The following DOCK9 variants were observed in gnomAD, a reference collection of about 807,000 sequenced individuals.
DOCK9 encodes dedicator of cytokinesis protein 9.
DOCK9 carries 89 observed loss-of-function variants against 263.3 expected under a neutral mutation model. That is an observed-to-expected ratio of 0.34 (90% CI 0.28 to 0.40). The LOEUF is 0.40. DOCK9 is among the 10% of genes least tolerant of loss of function. DOCK9 has a pLI of 1.00. For synonymous variants in DOCK9, 976 were observed against 973.1 expected, an observed-to-expected ratio of 1.00 and a Z score of -0.06; for missense variants, 2,140 against 2,603.4, an observed-to-expected ratio of 0.82 and a Z score of 3.87.
intron 1 of DOCK9, among the ~76,000 whole-genome samples, chr13:99,040,138 T>C (rs914715857): frequency 1.3e-5 from 2 of 151,798 alleles, no homozygotes; most frequent in African/African-American, 4.8e-5. Flanking sequence ...GGCAAGAGAG[T>C]GTTTGCTTCA....
intron 47 of DOCK9, chr13:98,808,578 TAGG>T: frequency 3.6e-6 from 4 of 1,126,116 alleles, no homozygotes; most frequent in Non-Finnish European, 5.3e-6. Context: ...CACATCAAAC[TAGG>T]AGTTTAGACG....
chr13:99,063,431 AC>A (rs1364930107), intron 1 of DOCK9, among the ~76,000 whole-genome samples: 1 of 152,138 alleles, frequency 6.6e-6, no homozygotes, highest in Non-Finnish European at 1.5e-5. Context: ...AGGTGTCCAA[AC>A]ACCTTCCTCC....
chr13:99,020,365 T>C (rs1285627717), intron 1 of DOCK9, among the ~76,000 whole-genome samples: 1 of 152,050 alleles, frequency 6.6e-6, no homozygotes, highest in Non-Finnish European at 1.5e-5. Flanking sequence ...ACATGGGAGG[T>C]GGCTGGGGCT....
chr13:99,039,139 T>C (rs1476732874), intron 1 of DOCK9, among the ~76,000 whole-genome samples: 8 of 152,240 alleles, frequency 5.3e-5, no homozygotes, highest in African/African-American at 1.7e-4. Context: ...TAAGGCACTA[T>C]TCTAAAAACA....
intron 37 of DOCK9, among the ~76,000 whole-genome samples, chr13:98,848,316 G>T (rs2093452168): frequency 6.6e-6 from 1 of 152,190 alleles, no homozygotes; most frequent in African/African-American, 2.4e-5. Flanking sequence ...CAGAGAAGGA[G>T]GGGGAGTTTG....
chr13:98,839,296 G>A (rs2141173303), intron 38 of DOCK9, among the ~76,000 whole-genome samples: 1 of 152,306 alleles, frequency 6.6e-6, no homozygotes, highest in Non-Finnish European at 1.5e-5. Context: ...AAATAAAGGT[G>A]GATATGTTGG....
At chr13:99,087,993 A>G (rs1280784567), upstream of DOCK9, 1 of 152,254 alleles carries the variant, frequency 6.6e-6, no homozygotes, top group African/African-American at 2.4e-5. Flanking sequence ...CAGAAAGCCT[A>G]ACACTGGCCT....
intron 1 of DOCK9, among the ~76,000 whole-genome samples, chr13:99,052,973 T>C (rs1460811525): frequency 6.6e-6 from 1 of 152,192 alleles, no homozygotes; most frequent in Admixed American, 6.5e-5. Flanking sequence ...GAATTTCTAA[T>C]GGTAGGTTTT....
chr13:98,809,421 T>C lies in DOCK9; in HGVS notation c.5298A>G (p.Lys1766=), dbSNP rs780960458. ...GGCCCGAGTGCATGACCTCGGTCAC[T>C]TTGCTGTAGGCCCGGTGCAGCGTGT... ...LYDTLHRAYS[K]VTEVMHSGRR... Residue 1766 remains lysine (K), a synonymous_variant, in exon 47 of 53, where the codon AAA becomes AAG. Transcript: ENST00000682017. The C allele has an allele frequency of 4.3e-6, 7 of 1,613,332 alleles. No homozygotes were observed. The Admixed American group carries it at 8.3e-5, about 19-fold the overall frequency.
At position 98,903,061 on chromosome 13, in the gene DOCK9, A is replaced by G; in HGVS notation, c.1087T>C (p.Phe363Leu). ...CACTTGACAAGGATCCTTTTTCCAA[A>G]CTTCTCTTCAAATGACTTCACTTCT... ...EPEVKSFEEK[F>L]GKRILVKCND... Residue 363 changes from phenylalanine to leucine, a missense_variant, in exon 11 of 53, where the codon TTT (phenylalanine) becomes CTT (leucine). By Grantham distance (22) the Phe-to-Leu change is conservative (BLOSUM62 0). This residue lies in a region of DOCK9 where 1,521 missense variants were observed against 1,741.7 expected (regional missense o/e 0.87). Transcript: ENST00000682017. 1 of 1,535,404 alleles carries G rather than the reference A, an allele frequency of 6.5e-7. No homozygotes were observed. Among genetic ancestry groups the G allele is most frequent in the East Asian group, 2.5e-5 (1 of 39,822 alleles).
chr13:98,902,688 T>A (rs750541760), intron 11 of DOCK9, among the ~76,000 whole-genome samples, 197 bp from the exon 12 acceptor site: 2 of 152,268 alleles, frequency 1.3e-5, no homozygotes, highest in African/African-American at 2.4e-5. Context: ...TTTACCTTTA[T>A]GTGTTTTGCT....
chr13:98,869,287 C>T (rs1433353277), intron 27 of DOCK9, among the ~76,000 whole-genome samples: 1 of 152,234 alleles, frequency 6.6e-6, no homozygotes, highest in Admixed American at 6.5e-5. Flanking sequence ...AGACACTGCA[C>T]TACATATTTG....
intron 38 of DOCK9, among the ~76,000 whole-genome samples, chr13:98,842,907 C>A (rs571085997): frequency 1.4e-4 from 22 of 152,302 alleles, no homozygotes; most frequent in Non-Finnish European, 3.1e-4. Flanking sequence ...GGGATTTGGG[C>A]ATGGGGATTT....
chr13:98,921,049 C>T lies in DOCK9; in HGVS notation c.622G>A (p.Asp208Asn). The change falls in exon 7 of 53, where the codon GAT becomes AAT. Residue 208 changes from aspartate to asparagine, a missense_variant. Asp to Asn is a conservative substitution (Grantham distance 23). Around this residue, in one of 2 missense-constraint regions of DOCK9, gnomAD observed 1,521 missense variants for 1,741.7 expected, o/e 0.87. Coordinates refer to ENST00000682017, the MANE Select transcript of DOCK9 (RefSeq NM_001366683.2). ...TAAAAATTCAAATTATAGGATCCAT[C>T]GCCAAGTTGAATCAGGTGGAAAAAT... ...RRFFHLIQLG[D>N]GSYNLNFYKD... The T allele has an allele frequency of 6.2e-7, 1 of 1,601,966 alleles. No homozygotes were observed. Among genetic ancestry groups the T allele is most frequent in the Non-Finnish European group, 8.5e-7 (1 of 1,173,600 alleles).
At chr13:99,013,906 A>G (rs1884961532) in intron 1 of DOCK9, among the ~76,000 whole-genome samples, 1 of 152,200 alleles carries the variant, frequency 6.6e-6, no homozygotes, top group African/African-American at 2.4e-5. Flanking sequence ...CAACGACACC[A>G]ACAGAGAGAC....
chr13:99,014,933 T>A (rs60530151), intron 1 of DOCK9, among the ~76,000 whole-genome samples: 4,180 of 152,280 alleles, frequency 0.027, 176 homozygotes, highest in African/African-American at 0.095. Flanking sequence ...GCTGGATTTT[T>A]TAAAAAAATA....
At chr13:98,981,523 T>C (rs1178871406), upstream of DOCK9, among the ~76,000 whole-genome samples, 1 of 152,188 alleles carries the variant, frequency 6.6e-6, no homozygotes, top group Non-Finnish European at 1.5e-5. Flanking sequence ...AAATCCAAGA[T>C]TGAGAACAGC....
chr13:98,946,169 T>A (rs542585875), intron 2 of DOCK9, among the ~76,000 whole-genome samples: 1 of 152,190 alleles, frequency 6.6e-6, no homozygotes, highest in East Asian at 1.9e-4. Context: ...CTGTAAGGCC[T>A]TTGCTGGGGG....
Position 98,853,328 on chromosome 13 carries a change from A to G in DOCK9, c.3946+80T>C, listed in dbSNP as rs549101818. The stretch of plus-strand genomic sequence containing the variant: ...GAAAATCCTTTGAAATCTTTGTATC[A>G]TTTCAACTTATTACAAGTTAAAACC... On this transcript the variant is annotated intron_variant, in intron 35 of 52. Coordinates refer to ENST00000682017, the MANE Select transcript of DOCK9 (RefSeq NM_001366683.2). 26 of 850,394 alleles carry G rather than the reference A, an allele frequency of 3.1e-5. No homozygotes were observed. The East Asian group carries it at 6.5e-4, about 21-fold the overall frequency. The allele number at this position is 850,394 out of a possible 1,614,324, so 52.7% of individuals were successfully genotyped here.
Sources: allele counts gnomAD v4.1 joint callset (sites outside exome capture counted in the v4.1 genomes callset), GRCh38; gene constraint gnomAD v4.1.1; regional missense constraint gnomAD v4.1.1; transcripts MANE v1.5; gene names NCBI Gene and HGNC (gene_info 2026-07-23, HGNC 2026-07-21).